Variants in NFKB1 observed in about 807,000 individuals in gnomAD.
The protein encoded by NFKB1 is nuclear factor kappa B subunit 1.
In NFKB1, 9 loss-of-function variants were observed where a neutral mutation model predicts 105.1. The observed-to-expected ratio is 0.09, with a 90% confidence interval of 0.05 to 0.15. The LOEUF is 0.15. Among genes scored for constraint, NFKB1 ranks in the 10% least tolerant of loss-of-function variants. The probability of loss-of-function intolerance (pLI) is 1.00; values close to 1 mark genes in which losing one functional copy is unlikely to be tolerated. For synonymous variants in NFKB1, 440 were observed against 442.2 expected (o/e 1.00, Z 0.06); for missense variants, 830 against 1,203.7 (o/e 0.69, Z 4.59).
In NFKB1 at chr4:102,612,497, A is replaced by C. The variant is rs984318104; in HGVS notation, c.2483A>C (p.Asp828Ala). 2.5e-6 allele frequency: 4 copies of C among 1,613,940 alleles called. No individual in the cohort carries two copies. The highest frequency in any genetic ancestry group is 3.3e-5 in the Admixed American group (2 of 60,030). The change falls in exon 22 of 24, where the codon GAT (aspartate) becomes GCT (alanine). Residue 828 changes from aspartate (D) to alanine (A), a missense_variant. Asp to Ala is a moderately radical substitution (Grantham distance 126, BLOSUM62 -2). Coordinates refer to ENST00000226574, the MANE Select transcript of NFKB1 (RefSeq NM_003998.4). The part of the protein sequence containing the change: ...LQLYKLLEIP[D>A]PDKNWATLAQ... ...CTGTATAAGTTACTAGAAATTCCTGATCCAGACAAAAACTGGGCTACTCTG... is the reference window on the plus strand; with the variant it reads ...CTGTATAAGTTACTAGAAATTCCTGCTCCAGACAAAAACTGGGCTACTCTG...
chr4:102,504,458 G>C (rs1038969782), intron 1 of NFKB1, among the ~76,000 whole-genome samples: 3 of 152,120 alleles, frequency 2.0e-5, no homozygotes, highest in East Asian at 3.8e-4. Context: ...TTGGTTTTCT[G>C]TTTACAAGGT....
chr4:102,505,566 A>G (rs951643627), intron 1 of NFKB1, among the ~76,000 whole-genome samples: 1 of 152,142 alleles, frequency 6.6e-6, no homozygotes. Flanking sequence ...AATAGCTTTT[A>G]TTTTGACCCA....
intron 23 of NFKB1, among the ~76,000 whole-genome samples, chr4:102,616,137 A>T (rs143606506): frequency 6.6e-6 from 1 of 152,370 alleles, no homozygotes; most frequent in Non-Finnish European, 1.5e-5. Flanking sequence ...TCTAAGGGAA[A>T]AAAAGGTCCA....
intron 1 of NFKB1, among the ~76,000 whole-genome samples, chr4:102,508,855 T>C (rs559437417): frequency 6.6e-6 from 1 of 152,222 alleles, no homozygotes; most frequent in South Asian, 2.1e-4. Context: ...GATAGAATAA[T>C]CTAGAAAGTG....
At chr4:102,576,323 ATAT>A (rs1560688365) in intron 6 of NFKB1, among the ~76,000 whole-genome samples, 1 of 152,334 alleles carries the variant, frequency 6.6e-6, no homozygotes, top group East Asian at 1.9e-4. Flanking sequence ...TCCAAATATA[ATAT>A]TCTTCTTATT....
chr4:102,519,806 C>T (rs1052780383), intron 1 of NFKB1, among the ~76,000 whole-genome samples: 1 of 152,192 alleles, frequency 6.6e-6, no homozygotes, highest in African/African-American at 2.4e-5. Context: ...ATGACTTACT[C>T]TCTTTCAGCT....
intron 5 of NFKB1, among the ~76,000 whole-genome samples, chr4:102,566,736 TTG>T (rs1452490174): frequency 3.9e-5 from 6 of 152,174 alleles, no homozygotes; most frequent in African/African-American, 1.4e-4. Flanking sequence ...ACAATACATA[TTG>T]TGTTTTAAGT....
chr4:102,540,626 C>T lies in NFKB1; in HGVS notation c.258+2670C>T, dbSNP rs143519195. 9.3e-3 allele frequency among the ~76,000 whole-genome samples: 1,421 copies of T among 152,248 alleles called. 14 individuals are homozygous for T. Among genetic ancestry groups the T allele is most frequent in the Middle Eastern group, 0.02 (6 of 294 alleles). On this transcript the variant is annotated intron_variant, in intron 5 of 23. Transcript: ENST00000226574. Reference sequence around the variant, plus strand: ...GGAACTTAGAGGTTAGAGAATATGACTATACAAGCTGTCATTGTTCCCTTA... The same window carrying T: ...GGAACTTAGAGGTTAGAGAATATGATTATACAAGCTGTCATTGTTCCCTTA...
intron 1 of NFKB1, among the ~76,000 whole-genome samples, chr4:102,521,865 T>C (rs1740597222): frequency 6.6e-6 from 1 of 152,246 alleles, no homozygotes; most frequent in African/African-American, 2.4e-5. Context: ...AACATTATGT[T>C]TTTCATGTGA....
chr4:102,580,351 A>G (rs56304215), intron 8 of NFKB1, among the ~76,000 whole-genome samples, 184 bp from the exon 9 acceptor site: 1 of 152,254 alleles, frequency 6.6e-6, no homozygotes, highest in East Asian at 1.9e-4. Context: ...ATCATAAATG[A>G]CCCATGCCCA....
At chr4:102,503,639 C>T (rs1189563498) in intron 1 of NFKB1, 1 of 152,128 alleles carries the variant, frequency 6.6e-6, no homozygotes, top group Non-Finnish European at 1.5e-5. Context: ...TGGGGGTATA[C>T]ATACAAAAAT....
chr4:102,603,850 C>G (rs1300238000), intron 16 of NFKB1, among the ~76,000 whole-genome samples: 1 of 152,164 alleles, frequency 6.6e-6, no homozygotes, highest in Non-Finnish European at 1.5e-5. Flanking sequence ...GAAACACACT[C>G]AAAATAGTCC....
At chr4:102,532,559 C>T (rs1741364912) in intron 3 of NFKB1, among the ~76,000 whole-genome samples, 3 of 151,972 alleles carry the variant, frequency 2.0e-5, no homozygotes, top group Admixed American at 2.0e-4. Flanking sequence ...ACCCAGGAAG[C>T]AGAGATTGTG....
At chr4:102,514,542 C>T (rs1318057796) in intron 1 of NFKB1, among the ~76,000 whole-genome samples, 14 of 152,284 alleles carry the variant, frequency 9.2e-5, no homozygotes, top group South Asian at 4.2e-4. Flanking sequence ...TTGGGCTTCC[C>T]GTTGCCAGAA....
chr4:102,525,439 A>T, intron 1 of NFKB1, 73 bp from the exon 2 acceptor site: 2 of 1,430,190 alleles, frequency 1.4e-6, no homozygotes, highest in South Asian at 2.4e-5. Flanking sequence ...TTCCTGCATG[A>T]ATTCCATGGT....
intron 1 of NFKB1, chr4:102,502,143 G>C (rs1484446092): frequency 6.5e-6 from 1 of 152,684 alleles, no homozygotes; most frequent in African/African-American, 2.4e-5. Context: ...GAAGGTTGGA[G>C]TGCGCTGCGG....
chr4:102,551,872 G>C (rs527688552), intron 5 of NFKB1, among the ~76,000 whole-genome samples: 1 of 152,242 alleles, frequency 6.6e-6, no homozygotes, highest in Admixed American at 6.5e-5. Flanking sequence ...CAATTCTTCA[G>C]CAATTATATT....
intron 1 of NFKB1, chr4:102,511,014 G>A: frequency 8.7e-7 from 1 of 1,153,902 alleles, no homozygotes; most frequent in Non-Finnish European, 1.1e-6. Flanking sequence ...GAGATGAGGA[G>A]GGGTGGAGTA....
At chr4:102,586,045 G>A (rs1725685883) in intron 11 of NFKB1, among the ~76,000 whole-genome samples, 1 of 152,208 alleles carries the variant, frequency 6.6e-6, no homozygotes, top group African/African-American at 2.4e-5. Flanking sequence ...GGTTTGGAAT[G>A]ATGGCTCTGA....
Sources: allele counts gnomAD v4.1 joint callset (sites outside exome capture counted in the v4.1 genomes callset), GRCh38; gene constraint gnomAD v4.1.1; transcripts MANE v1.5; gene names NCBI Gene and HGNC (gene_info 2026-07-23, HGNC 2026-07-21).